CDK14: variants seen among roughly 807,000 people sequenced by gnomAD.
The protein encoded by CDK14 is cyclin dependent kinase 14.
A neutral mutation model predicts 60.7 loss-of-function variants in CDK14; 34 were observed. The ratio of observed to expected loss-of-function variants is 0.56; its 90% CI spans 0.43 to 0.75. The LOEUF is 0.75. Among genes scored for constraint, CDK14 ranks in the 30% least tolerant of loss-of-function variants. CDK14 has a pLI of 0.00. For missense variants in CDK14, 482 were observed against 564.1 expected (o/e 0.85, Z 1.47); for synonymous variants, 197 against 203.7 (o/e 0.97, Z 0.28).
At chr7:91,182,729 G>A (rs910527455) in intron 14 of CDK14, among the ~76,000 whole-genome samples, 1 of 152,138 alleles carries the variant, frequency 6.6e-6, no homozygotes, top group South Asian at 2.1e-4. Flanking sequence ...TTTAAGGACA[G>A]CTGGAGAGAA....
intron 10 of CDK14, among the ~76,000 whole-genome samples, chr7:91,028,048 C>T (rs1246023919): frequency 1.4e-5 from 2 of 147,254 alleles, no homozygotes; most frequent in Admixed American, 6.8e-5. Flanking sequence ...AACCCTCTCT[C>T]ATCCTTCCTG....
intron 12 of CDK14, chr7:91,107,486 A>G (rs1562907151): frequency 6.6e-6 from 1 of 152,228 alleles, no homozygotes; most frequent in Non-Finnish European, 1.5e-5. Context: ...CAGGTTCTGA[A>G]TAATGGTACA....
chr7:90,927,908 G>A lies in CDK14; in HGVS notation c.826+10184G>A, dbSNP rs1004448694. Among the ~76,000 whole-genome samples, 7 of 152,114 alleles carry A rather than the reference G, an allele frequency of 4.6e-5. No individual in the cohort carries two copies. In the South Asian group the frequency reaches 6.2e-4, roughly 14 times the overall value. On this transcript the variant is annotated intron_variant, in intron 8 of 14. Transcript: ENST00000380050. ...CCCATATTTCTTGGCGGCTTTGTTC[G>A]TTTCTTTTTACTCTTTTTTCTCTAA...
chr7:90,710,172 T>C (rs977791843), intron 2 of CDK14: 11 of 985,220 alleles, frequency 1.1e-5, no homozygotes, highest in Admixed American at 6.2e-5. Context: ...TGGGAGAGTC[T>C]TTTGAGGCTC....
At chr7:91,184,987 C>G (rs1438869103) in intron 14 of CDK14, among the ~76,000 whole-genome samples, 1 of 151,508 alleles carries the variant, frequency 6.6e-6, no homozygotes, top group African/African-American at 2.4e-5. Context: ...ACACCTTTTT[C>G]TAATTTGCAT....
chr7:91,003,305 G>A (rs1795891261), intron 10 of CDK14, among the ~76,000 whole-genome samples: 1 of 152,018 alleles, frequency 6.6e-6, no homozygotes, highest in Admixed American at 6.6e-5. Context: ...ACTAGTCCTA[G>A]TCATCATTAT....
At chr7:91,124,619 T>G (rs995936262) in intron 14 of CDK14, among the ~76,000 whole-genome samples, 4 of 152,148 alleles carry the variant, frequency 2.6e-5, no homozygotes, top group Non-Finnish European at 5.9e-5. Flanking sequence ...ATTGACTATA[T>G]TTTTGTGAAT....
chr7:90,930,529 C>CT (rs61187542), intron 8 of CDK14, among the ~76,000 whole-genome samples: 10,126 of 80,238 alleles, frequency 0.13, 921 homozygotes, highest in African/African-American at 0.22. Flanking sequence ...ACAGGCTAAG[C>CT]TTTTTTTTTT....
intron 11 of CDK14, among the ~76,000 whole-genome samples, chr7:91,058,425 C>T (rs993513995): frequency 2.0e-5 from 3 of 152,114 alleles, no homozygotes; most frequent in Non-Finnish European, 4.4e-5. Flanking sequence ...TTGCCCTGGC[C>T]AGAACTTCCA....
At chr7:90,735,571 G>A (rs372692724) in intron 3 of CDK14, among the ~76,000 whole-genome samples, 77 of 152,338 alleles carry the variant, frequency 5.1e-4, no homozygotes, top group African/African-American at 1.7e-3. Context: ...TGGCCTTGCT[G>A]AGCTACAGTG....
intron 10 of CDK14, among the ~76,000 whole-genome samples, chr7:91,032,251 C>G (rs575102790): frequency 3.1e-4 from 47 of 152,268 alleles, no homozygotes; most frequent in African/African-American, 1.1e-3. Context: ...TGTAACTAGA[C>G]ATATTTCCCC....
chr7:91,023,463 G>C (rs1336704650), intron 10 of CDK14, among the ~76,000 whole-genome samples: 2 of 152,088 alleles, frequency 1.3e-5, no homozygotes, highest in Non-Finnish European at 2.9e-5. Flanking sequence ...ATTATAAGTT[G>C]ATATAATGAT....
rs115333864 is a variant in CDK14, at chr7:90,992,538, T to C, written c.1041+8297T>C. Among the ~76,000 whole-genome samples the C allele has an allele frequency of 4.4e-3, 673 of 152,276 alleles. 5 individuals are homozygous for C. The highest frequency in any genetic ancestry group is 0.015 in the African/African-American group (634 of 41,546). On this transcript the variant is annotated intron_variant, in intron 10 of 14. Coordinates refer to ENST00000380050, the MANE Select transcript of CDK14 (RefSeq NM_001287135.2). ...AAGATAGACAGTGAGAAAATAAATA[T>C]ATAATGTGTTTCTTAAGTGCTATTC...
Position 90,882,019 on chromosome 7 carries a change from A to G in CDK14, c.640-17272A>G, listed in dbSNP as rs891749493. On this transcript the variant is annotated intron_variant, in intron 6 of 14. Coordinates refer to ENST00000380050, the MANE Select transcript of CDK14 (RefSeq NM_001287135.2). ...TAAAGACCAATGACACTACGAAGAAACTCCATCAACTAGTGTGCAAAATAA... is the reference window on the plus strand; with the variant it reads ...TAAAGACCAATGACACTACGAAGAAGCTCCATCAACTAGTGTGCAAAATAA... Among the ~76,000 whole-genome samples the G allele has an allele frequency of 3.3e-5, 5 of 152,140 alleles. No individual in the cohort carries two copies. The East Asian group carries it at 9.6e-4, about 29-fold the overall frequency.
intron 12 of CDK14, 142 bp downstream of exon 12, chr7:91,079,622 C>T (rs1798428029): frequency 1.4e-6 from 1 of 705,882 alleles, no homozygotes; most frequent in Non-Finnish European, 2.5e-6. Context: ...GCTGTTAAAC[C>T]TTAACTGTGT....
At chr7:90,982,648 A>T (rs1214548843) in intron 9 of CDK14, among the ~76,000 whole-genome samples, 1 of 152,206 alleles carries the variant, frequency 6.6e-6, no homozygotes, top group Non-Finnish European at 1.5e-5. Context: ...GAGGACTCTT[A>T]TACATCAGGC....
intron 11 of CDK14, among the ~76,000 whole-genome samples, chr7:91,055,122 A>AC (rs2116074105): frequency 6.6e-6 from 1 of 152,314 alleles, no homozygotes; most frequent in East Asian, 1.9e-4. Flanking sequence ...TTATTCTCCT[A>AC]CCAGTTAGCA....
In CDK14 at chr7:91,118,113, G is replaced by C; in HGVS notation, c.1343G>C (p.Gly448Ala). The C allele has an allele frequency of 6.2e-7, 1 of 1,613,632 alleles. No homozygotes were observed. The highest frequency in any genetic ancestry group is 1.1e-5 in the South Asian group (1 of 91,026). ...AATGTGAGATTGCAACCAGAAGCTGGAGAAAGCATGCGGGCCTTTGGGAAA... is the reference window on the plus strand; with the variant it reads ...AATGTGAGATTGCAACCAGAAGCTGCAGAAAGCATGCGGGCCTTTGGGAAA... ...VPNVRLQPEA[G>A]ESMRAFGKNN... The change falls in exon 14 of 15, where the codon GGA (glycine) becomes GCA (alanine). Residue 448 changes from glycine to alanine, a missense_variant. Physicochemically the swap from Gly to Ala is moderately conservative, Grantham distance 60 (BLOSUM62 0). Coordinates refer to ENST00000380050, the MANE Select transcript of CDK14 (RefSeq NM_001287135.2).
At chr7:91,156,049 G>A (rs916591) in intron 14 of CDK14, among the ~76,000 whole-genome samples, 8,917 of 151,994 alleles carry the variant, frequency 0.059, 376 homozygotes, top group Admixed American at 0.14. Flanking sequence ...TAATCAGTTC[G>A]CTGTTATTAC....
Sources: allele counts gnomAD v4.1 joint callset (sites outside exome capture counted in the v4.1 genomes callset), GRCh38; gene constraint gnomAD v4.1.1; transcripts MANE v1.5; gene names NCBI Gene and HGNC (gene_info 2026-07-23, HGNC 2026-07-21).